DOK5: variants seen among roughly 807,000 people sequenced by gnomAD.
DOK5 encodes the protein docking protein 5.
A neutral mutation model predicts 43.3 loss-of-function variants in DOK5; 27 were observed. The observed-to-expected ratio is 0.62, with a 90% CI of 0.46 to 0.86. The LOEUF (loss-of-function observed/expected upper bound fraction) is 0.86. DOK5 is among the 40% of genes least tolerant of loss of function. The probability of loss-of-function intolerance (pLI) is 0.00; values close to 1 mark genes in which losing one functional copy is unlikely to be tolerated. For missense variants in DOK5, 373 were observed against 392.9 expected (o/e 0.95, Z 0.43); for synonymous variants, 146 against 140.1 (o/e 1.04, Z -0.30).
chr20:54,508,336 TA>T (rs1982889233), intron 1 of DOK5, among the ~76,000 whole-genome samples: 1 of 151,708 alleles, frequency 6.6e-6, no homozygotes, highest in African/African-American at 2.4e-5. Context: ...AAAGTTTCAT[TA>T]TTTTTTTCTT....
chr20:54,507,943 G>A (rs994299523), intron 1 of DOK5, among the ~76,000 whole-genome samples: 2 of 152,180 alleles, frequency 1.3e-5, no homozygotes, highest in Non-Finnish European at 2.9e-5. Flanking sequence ...GATTTAAGAA[G>A]GGAAGTGATA....
intron 6 of DOK5, among the ~76,000 whole-genome samples, chr20:54,638,296 C>A (rs138127756): frequency 6.6e-6 from 1 of 152,168 alleles, no homozygotes; most frequent in African/African-American, 2.4e-5. Context: ...GGAGGTGATT[C>A]CTGAGCTGAC....
intron 7 of DOK5, among the ~76,000 whole-genome samples, chr20:54,644,480 G>A (rs948915562): frequency 1.2e-4 from 18 of 151,896 alleles, no homozygotes; most frequent in East Asian, 3.9e-4. Context: ...CGAGGCGGGC[G>A]GATCATGAGG....
intron 1 of DOK5, among the ~76,000 whole-genome samples, chr20:54,487,948 C>T (rs1982005055): frequency 6.6e-6 from 1 of 152,204 alleles, no homozygotes; most frequent in South Asian, 2.1e-4. Flanking sequence ...AAGAGCAATT[C>T]AACTCTTAGA....
intron 5 of DOK5, among the ~76,000 whole-genome samples, chr20:54,606,493 A>G (rs184825855): frequency 1.3e-5 from 2 of 152,284 alleles, no homozygotes; most frequent in East Asian, 3.9e-4. Flanking sequence ...TCTGTGTTGC[A>G]TTTTCTCTGG....
intron 6 of DOK5, among the ~76,000 whole-genome samples, chr20:54,632,499 C>T (rs756945777): frequency 1.5e-4 from 23 of 152,136 alleles, no homozygotes; most frequent in African/African-American, 2.4e-4. Context: ...ATAAATTATG[C>T]GTGGCCTAAG....
intron 2 of DOK5, among the ~76,000 whole-genome samples, chr20:54,557,827 C>T (rs1168624777): frequency 1.3e-5 from 2 of 152,204 alleles, no homozygotes; most frequent in Non-Finnish European, 2.9e-5. Flanking sequence ...CTGCCTTCCA[C>T]ATCCCTCTTA....
intron 1 of DOK5, among the ~76,000 whole-genome samples, chr20:54,493,282 G>A (rs373300931): frequency 6.6e-6 from 1 of 151,972 alleles, no homozygotes; most frequent in Non-Finnish European, 1.5e-5. Context: ...GCGTTCACTC[G>A]CTGTGTCACA....
At chr20:54,627,627 G>A (rs546443372) in intron 6 of DOK5, among the ~76,000 whole-genome samples, 2 of 152,324 alleles carry the variant, frequency 1.3e-5, no homozygotes, top group South Asian at 4.1e-4. Context: ...GCGTGGGTCA[G>A]GGTGACAGGG....
chr20:54,558,520 A>G (rs1984790615), intron 2 of DOK5, among the ~76,000 whole-genome samples: 1 of 152,184 alleles, frequency 6.6e-6, no homozygotes, highest in Non-Finnish European at 1.5e-5. Flanking sequence ...CTCGGGGCAC[A>G]TAAAAAGCTG....
chr20:54,592,472 A>G (rs541064746), intron 5 of DOK5, among the ~76,000 whole-genome samples: 25 of 152,182 alleles, frequency 1.6e-4, no homozygotes, highest in African/African-American at 5.5e-4. Flanking sequence ...TCCTCTAGCC[A>G]TAATCCTATT....
intron 7 of DOK5, 95 bp from the exon 8 acceptor site, chr20:54,650,320 T>A: frequency 1.6e-6 from 2 of 1,247,732 alleles, no homozygotes; most frequent in Non-Finnish European, 2.3e-6. Context: ...TAAGTACATT[T>A]ACTTATTTCT....
intron 5 of DOK5, among the ~76,000 whole-genome samples, chr20:54,608,512 G>A (rs994854638): frequency 6.6e-6 from 1 of 152,154 alleles, no homozygotes; most frequent in Admixed American, 6.5e-5. Context: ...GGGAAGAAAT[G>A]GGACTTTACT....
chr20:54,481,912 A>G (rs34616206), intron 1 of DOK5, among the ~76,000 whole-genome samples: 16,610 of 152,270 alleles, frequency 0.11, 1,015 homozygotes, highest in African/African-American at 0.15. Context: ...TGCTTGACAC[A>G]GTAAAAACCC....
At chr20:54,640,613 C>T (rs891205617) in intron 6 of DOK5, among the ~76,000 whole-genome samples, 3 of 152,142 alleles carry the variant, frequency 2.0e-5, no homozygotes, top group Admixed American at 6.5e-5. Flanking sequence ...GGCTTTGTAC[C>T]GTTCTCCTCT....
intron 1 of DOK5, among the ~76,000 whole-genome samples, chr20:54,496,788 A>AAAAAAAAAG (rs1982420867): frequency 6.6e-6 from 1 of 150,490 alleles, no homozygotes; most frequent in African/African-American, 2.4e-5. Flanking sequence ...AAAAAAAAAG[A>AAAAAAAAAG]AAAAAATGAA....
chr20:54,475,886 C>A lies in DOK5; in HGVS notation c.-61C>A. ...GCTTGTCTTGACCCTGCCCTCCACC[C>A]TCCCCAGAGCCACTTCGGGTGCGCG... On this transcript the variant is annotated 5_prime_UTR_variant, in exon 1 of 8. Coordinates refer to ENST00000262593, the MANE Select transcript of DOK5 (RefSeq NM_018431.5). This position sits in a 1 kb window ranked among gnomAD's most constrained non-coding sequence, Gnocchi z 4.2. 1 of 1,599,274 alleles carries A rather than the reference C, an allele frequency of 6.3e-7. No homozygotes were observed. The highest frequency in any genetic ancestry group is 8.5e-7 in the Non-Finnish European group (1 of 1,172,846).
chr20:54,581,462 T>G (rs1568794263), intron 2 of DOK5, among the ~76,000 whole-genome samples: 1 of 151,884 alleles, frequency 6.6e-6, no homozygotes, highest in Non-Finnish European at 1.5e-5. Context: ...GATTGTATGT[T>G]AAGTCTTTTT....
chr20:54,591,591 G>A (rs755907538), intron 4 of DOK5, 25 bp from the exon 5 acceptor site: 6 of 1,529,716 alleles, frequency 3.9e-6, no homozygotes, highest in Non-Finnish European at 5.3e-6. Flanking sequence ...GGGGATTTTA[G>A]ACTAACCTTT....
Sources: allele counts gnomAD v4.1 joint callset (sites outside exome capture counted in the v4.1 genomes callset), GRCh38; gene constraint gnomAD v4.1.1; non-coding constraint Gnocchi (gnomAD v3.1); transcripts MANE v1.5; gene names NCBI Gene and HGNC (gene_info 2026-07-23, HGNC 2026-07-21).